Variants in PRRC2B observed in about 807,000 individuals in gnomAD.
The protein encoded by PRRC2B is proline rich coiled-coil 2B.
PRRC2B carries 68 observed loss-of-function variants against 242.3 expected under a neutral mutation model. The observed-to-expected ratio is 0.28, with a 90% CI of 0.23 to 0.34. PRRC2B has a LOEUF of 0.34. PRRC2B is among the 10% of genes least tolerant of loss of function. PRRC2B has a pLI of 1.00. For synonymous variants in PRRC2B, 1,228 were observed against 1,173.6 expected, an observed-to-expected ratio of 1.05 and a Z score of -0.95; for missense variants, 2,835 against 2,954.8, an observed-to-expected ratio of 0.96 and a Z score of 0.94.
At position 131,482,521 on chromosome 9, in the gene PRRC2B, G is replaced by T. The variant is rs536019725; in HGVS notation, c.5134G>T (p.Asp1712Tyr). 2 of 1,607,266 alleles carry T rather than the reference G, an allele frequency of 1.2e-6. No homozygotes were observed. Among genetic ancestry groups the T allele is most frequent in the Non-Finnish European group, 1.7e-6 (2 of 1,176,198 alleles). ...GCCCGGCCTGGCGGAACCCAAGGCC[G>T]ACAGCCACAAGGAGCAGGCTCCAAA... ...SGPGLAEPKA[D>Y]SHKEQAPKPS... The change falls in exon 21 of 32, where the codon GAC becomes TAC. Residue 1712 changes from aspartate to tyrosine, a missense_variant. This residue lies in a region of PRRC2B where 51 missense variants were observed against 45.1 expected (regional missense o/e 1.13). Coordinates refer to ENST00000683519, the MANE Select transcript of PRRC2B (RefSeq NM_013318.4). The surrounding 1 kb of genome is among the most constrained non-coding windows in gnomAD (Gnocchi z 5.2).
At chr9:131,395,976 T>C (rs972923385) in intron 1 of PRRC2B, among the ~76,000 whole-genome samples, 1 of 152,116 alleles carries the variant, frequency 6.6e-6, no homozygotes, top group African/African-American at 2.4e-5. Flanking sequence ...CATCTGAGAG[T>C]GAGTTTCTAC....
At chr9:131,432,452 T>G (rs117783749) in intron 2 of PRRC2B, among the ~76,000 whole-genome samples, 165 bp from the exon 3 acceptor site, 2 of 152,348 alleles carry the variant, frequency 1.3e-5, no homozygotes, top group Non-Finnish European at 2.9e-5. Context: ...GTGACTAAAG[T>G]GACACCAAAC....
In PRRC2B at chr9:131,484,911, G is replaced by A. The variant is rs370844817; in HGVS notation, c.5566-37G>A. Reference sequence around the variant, plus strand: ...GGCTCTGTCCACTGCCAGCGTGATAGTAATTTTCATCCCTCCCCCTCCCCT... The same window carrying A: ...GGCTCTGTCCACTGCCAGCGTGATAATAATTTTCATCCCTCCCCCTCCCCT... On this transcript the variant is annotated intron_variant, in intron 24 of 31. Transcript: ENST00000683519. 24 of 1,591,214 alleles carry A rather than the reference G, an allele frequency of 1.5e-5. No homozygotes were observed. In the African/African-American group the frequency reaches 2.0e-4, roughly 13 times the overall value.
intron 1 of PRRC2B, among the ~76,000 whole-genome samples, chr9:131,381,461 C>G (rs990798052): frequency 6.8e-6 from 1 of 147,168 alleles, no homozygotes; most frequent in South Asian, 2.2e-4. Flanking sequence ...CTCTGTCCCC[C>G]AGGCTGGAGT....
intron 13 of PRRC2B, among the ~76,000 whole-genome samples, chr9:131,470,191 G>A (rs575486411): frequency 1.3e-5 from 2 of 152,324 alleles, no homozygotes; most frequent in African/African-American, 4.8e-5. Context: ...ACTGGGCAAA[G>A]TCACACGGGA....
At chr9:131,468,684 A>G (rs1422092034) in intron 13 of PRRC2B, among the ~76,000 whole-genome samples, 1 of 152,202 alleles carries the variant, frequency 6.6e-6, no homozygotes, top group African/African-American at 2.4e-5. Flanking sequence ...GTGCACACCA[A>G]ACAGCAAGGT....
chr9:131,439,710 A>G (rs1014747185), intron 5 of PRRC2B, among the ~76,000 whole-genome samples: 9 of 152,148 alleles, frequency 5.9e-5, no homozygotes, highest in Non-Finnish European at 8.8e-5. Context: ...GAAATGACCG[A>G]TCAATGTGCC....
chr9:131,388,841 T>C (rs1378885524), intron 1 of PRRC2B, among the ~76,000 whole-genome samples: 1 of 117,020 alleles, frequency 8.5e-6, no homozygotes, highest in African/African-American at 3.6e-5. Flanking sequence ...TCCTTTTACC[T>C]TTTTTTTTTT....
At position 131,477,836 on chromosome 9, in the gene PRRC2B, G is replaced by A; in HGVS notation, c.4499G>A (p.Ser1500Asn). The A allele has an allele frequency of 6.2e-7, 1 of 1,613,756 alleles. No individual in the cohort carries two copies. Among genetic ancestry groups the A allele is most frequent in the Non-Finnish European group, 8.5e-7 (1 of 1,179,778 alleles). Reference protein sequence around the residue: ...PYALERAAHASADLPEASSKK... With the variant: ...PYALERAAHANADLPEASSKK... Reference sequence around the variant, plus strand: ...GCCCTGGAGCGGGCAGCCCATGCCAGTGCTGACCTTCCCGAAGCCTCCAGT... The same window carrying A: ...GCCCTGGAGCGGGCAGCCCATGCCAATGCTGACCTTCCCGAAGCCTCCAGT... The change falls in exon 17 of 32, where the codon AGT becomes AAT. Residue 1500 changes from serine to asparagine, a missense_variant. By Grantham distance (46) the Ser-to-Asn change is conservative. Coordinates refer to ENST00000683519, the MANE Select transcript of PRRC2B (RefSeq NM_013318.4).
At chr9:131,479,462 G>A in intron 19 of PRRC2B, 69 bp downstream of exon 19, 1 of 1,480,314 alleles carries the variant, frequency 6.8e-7, no homozygotes, top group South Asian at 1.2e-5. Flanking sequence ...TTGCTTCTGG[G>A]GAGGATCCTG....
intron 4 of PRRC2B, among the ~76,000 whole-genome samples, chr9:131,438,388 C>G (rs969230847): frequency 6.6e-6 from 1 of 152,112 alleles, no homozygotes; most frequent in Non-Finnish European, 1.5e-5. Flanking sequence ...GGTGAGCATT[C>G]AGTCAGGCTG....
At chr9:131,455,510 C>CTTTT (rs148974781) in intron 10 of PRRC2B, among the ~76,000 whole-genome samples, 2 of 86,988 alleles carry the variant, frequency 2.3e-5, no homozygotes, top group African/African-American at 8.9e-5. Context: ...GGTTCAACTT[C>CTTTT]TTTTTTTTTT....
chr9:131,479,281 C>T lies in PRRC2B; in HGVS notation c.4788C>T (p.Ser1596=). The T allele has an allele frequency of 1.9e-6, 3 of 1,613,898 alleles. No individual in the cohort carries two copies. The highest frequency in any genetic ancestry group is 2.5e-6 in the Non-Finnish European group (3 of 1,179,830). Residue 1596 remains serine (S), a synonymous_variant, in exon 19 of 32, where the codon TCC becomes TCT. Coordinates refer to ENST00000683519, the MANE Select transcript of PRRC2B (RefSeq NM_013318.4). ...QVPVKGRGLS[S]RIPPRFAKKQ... is the part of the protein sequence containing the mutation. Reference sequence around the variant, plus strand: ...CTGTCAAAGGTCGAGGCCTTTCCTCCCGTATTCCTCCTCGATTTGCAAAAA... The same window carrying T: ...CTGTCAAAGGTCGAGGCCTTTCCTCTCGTATTCCTCCTCGATTTGCAAAAA...
At chr9:131,375,490 C>T (rs548521686) in intron 1 of PRRC2B, among the ~76,000 whole-genome samples, 4 of 152,166 alleles carry the variant, frequency 2.6e-5, no homozygotes, top group African/African-American at 7.2e-5. Flanking sequence ...TATGAAGGTG[C>T]TTAGAATAAT....
intron 1 of PRRC2B, among the ~76,000 whole-genome samples, chr9:131,421,036 A>C (rs903197277): frequency 1.3e-5 from 2 of 152,144 alleles, no homozygotes; most frequent in Admixed American, 6.5e-5. Flanking sequence ...AAATATGGCT[A>C]TTCTCTTTTA....
At position 131,497,654 on chromosome 9, in the gene PRRC2B, C is replaced by T. The variant is rs1458559062; in HGVS notation, c.*1780C>T. 1.3e-5 allele frequency: 2 copies of T among 152,266 alleles called. No individual in the cohort carries two copies. The highest frequency in any genetic ancestry group is 2.9e-5 in the Non-Finnish European group (2 of 68,086). The allele number at this position is 152,266 out of a possible 1,614,324, so 9.4% of individuals were successfully genotyped here. On this transcript the variant is annotated 3_prime_UTR_variant, in exon 32 of 32. Transcript: ENST00000683519. ...AGGAAGCGGGAGAACGGCCTCCTAC[C>T]AACAGCGCCCACCCCAGAGCTGCCT... is the stretch of plus-strand genomic sequence containing the variant.
In PRRC2B at chr9:131,488,236, A is replaced by G. The variant is rs1944082175; in HGVS notation, c.6225+140A>G. On this transcript the variant is annotated intron_variant, in intron 28 of 31. Coordinates refer to ENST00000683519, the MANE Select transcript of PRRC2B (RefSeq NM_013318.4). Reference sequence around the variant, plus strand: ...CCACCGTGCCCATTCCTCAGCGTGCAGGAAATCAGCCTCTTCTGAGTAGCC... The same window carrying G: ...CCACCGTGCCCATTCCTCAGCGTGCGGGAAATCAGCCTCTTCTGAGTAGCC... 5 of 1,198,352 alleles carry G rather than the reference A, an allele frequency of 4.2e-6. No individual in the cohort carries two copies. In the South Asian group the frequency reaches 6.5e-5, roughly 15 times the overall value. The allele number at this position is 1,198,352 out of a possible 1,614,324, so 74.2% of individuals were successfully genotyped here.
At chr9:131,486,206 C>CT in intron 26 of PRRC2B, 24 bp downstream of exon 26, 1 of 1,527,422 alleles carries the variant, frequency 6.5e-7, no homozygotes, top group South Asian at 1.1e-5. Context: ...GCCAGGTGGC[C>CT]TGGCTGGGGG....
At position 131,475,043 on chromosome 9, in the gene PRRC2B, C is replaced by G. The variant is rs770260303; in HGVS notation, c.2914C>G (p.Arg972Gly). The G allele has an allele frequency of 2.4e-5, 39 of 1,607,802 alleles. 1 individual carries two copies. In the South Asian group the frequency reaches 4.1e-4, roughly 17 times the overall value. The stretch of plus-strand genomic sequence containing the variant: ...GCAGGAGCTAGGGGAGGAGAGTACC[C>G]GGCTGGCCAAGGAGAAGGAGCAGAG... ...IKQELGEEST[R>G]LAKEKEQSPT... The change falls in exon 16 of 32, where the codon CGG (arginine) becomes GGG (glycine). Residue 972 changes from arginine to glycine, a missense_variant. Transcript: ENST00000683519.
Sources: gnomAD v4.1 joint callset for allele counts (sites outside exome capture counted in the v4.1 genomes callset) on GRCh38, gnomAD v4.1.1 for gene constraint, gnomAD v4.1.1 regional missense constraint, Gnocchi (gnomAD v3.1) non-coding constraint, MANE v1.5 for transcripts, NCBI Gene and HGNC (gene_info 2026-07-23, HGNC 2026-07-21) for gene names.